Variants in ALDH16A1 observed in about 807,000 individuals in gnomAD.
ALDH16A1 encodes aldehyde dehydrogenase 16 family member A1.
ALDH16A1 carries 88 observed loss-of-function variants against 96.1 expected under a neutral mutation model. That is an observed-to-expected ratio of 0.92 (90% CI 0.77 to 1.09). The LOEUF (loss-of-function observed/expected upper bound fraction) is 1.09. Among genes scored for constraint, ALDH16A1 ranks in the 50% least tolerant of loss-of-function variants. The pLI is 0.00. For synonymous variants in ALDH16A1, 522 were observed against 496.4 expected (o/e 1.05, Z -0.69); for missense variants, 1,250 against 1,112.6 (o/e 1.12, Z -1.76).
At chr19:49,467,553 C>T (rs534390927) in intron 14 of ALDH16A1, among the ~76,000 whole-genome samples, 143 of 151,702 alleles carry the variant, frequency 9.4e-4, no homozygotes, top group Middle Eastern at 3.4e-3. Flanking sequence ...CACCACCACA[C>T]CCGGCTAATT....
At position 49,468,853 on chromosome 19, in the gene ALDH16A1, C is replaced by G. The variant is rs1458713455; in HGVS notation, c.2125-11C>G. Reference sequence around the variant, plus strand: ...CGGCCTCCCCAACCTTTCACTCTCTCTATCCCCTAGGACATGGCCACCGTG... The same window carrying G: ...CGGCCTCCCCAACCTTTCACTCTCTGTATCCCCTAGGACATGGCCACCGTG... On this transcript the variant is annotated splice_polypyrimidine_tract_variant and intron_variant, in intron 15 of 16. Coordinates refer to ENST00000293350, the MANE Select transcript of ALDH16A1 (RefSeq NM_153329.4). The surrounding 1 kb of genome is among the most constrained non-coding windows in gnomAD (Gnocchi z 4.4). The G allele has an allele frequency of 5.0e-6, 8 of 1,612,174 alleles. No individual in the cohort carries two copies. Among genetic ancestry groups the G allele is most frequent in the Non-Finnish European group, 6.8e-6 (8 of 1,179,316 alleles).
At chr19:49,456,066 C>T (rs2079103354) in intron 1 of ALDH16A1, among the ~76,000 whole-genome samples, 1 of 152,070 alleles carries the variant, frequency 6.6e-6, no homozygotes, top group Non-Finnish European at 1.5e-5. Context: ...TCATCCAGGC[C>T]CTCTTCTCAG....
intron 1 of ALDH16A1, 80 bp downstream of exon 1, chr19:49,453,501 C>A: frequency 7.6e-7 from 1 of 1,310,396 alleles, no homozygotes; most frequent in Non-Finnish European, 1.0e-6. Flanking sequence ...GTCCCGTCAT[C>A]CACTGCGGTA....
rs1601028688 is a variant in ALDH16A1 at position 49,462,022 on chromosome 19, T to G, written c.898T>G (p.Ser300Ala). 4 of 1,542,070 alleles carry G rather than the reference T, an allele frequency of 2.6e-6. No homozygotes were observed. Among genetic ancestry groups the G allele is most frequent in the Non-Finnish European group, 3.5e-6 (4 of 1,148,030 alleles). Residue 300 changes from serine (S) to alanine (A), a missense_variant, in exon 7 of 17, where the codon TCC becomes GCC. Coordinates refer to ENST00000293350, the MANE Select transcript of ALDH16A1 (RefSeq NM_153329.4). Reference protein sequence around the residue: ...AVEGVVDAAWSDRGPGGLRLL... With the variant: ...AVEGVVDAAWADRGPGGLRLL... Reference sequence around the variant, plus strand: ...GGAGGGTGTCGTGGACGCCGCCTGGTCCGACCGCGGCCCGGTGAGACCCGT... The same window carrying G: ...GGAGGGTGTCGTGGACGCCGCCTGGGCCGACCGCGGCCCGGTGAGACCCGT...
intron 2 of ALDH16A1, 110 bp from the exon 3 acceptor site, chr19:49,458,849 TG>T: frequency 6.9e-7 from 1 of 1,439,078 alleles, no homozygotes; most frequent in Non-Finnish European, 9.5e-7. Context: ...CAGCAGAGAA[TG>T]GGGACCAGCT....
chr19:49,467,129 C>A (rs887409678), intron 14 of ALDH16A1, among the ~76,000 whole-genome samples: 11 of 152,130 alleles, frequency 7.2e-5, no homozygotes, highest in African/African-American at 2.4e-4. Context: ...GTGAGCCCCC[C>A]ACCTCAGCCT....
At chr19:49,469,405 A>G (rs1253948004) in intron 16 of ALDH16A1, 1 of 154,554 alleles carries the variant, frequency 6.5e-6, no homozygotes. Flanking sequence ...GTGCACCACC[A>G]TGCCCAGCTA....
rs1727992715 is a variant in ALDH16A1 at position 49,468,317 on chromosome 19, T to C, written c.1939-64T>C. On this transcript the variant is annotated intron_variant, in intron 14 of 16. Transcript: ENST00000293350. The surrounding 1 kb of genome is among the most constrained non-coding windows in gnomAD (Gnocchi z 4.4). ...AGTGTTGGGGAGAATGTAGAGGAAC[T>C]GGATCTCTCATTTACTGCGGGCGGG... is the stretch of plus-strand genomic sequence containing the variant. The C allele has an allele frequency of 6.6e-7, 1 of 1,521,372 alleles. No homozygotes were observed. Among genetic ancestry groups the C allele is most frequent in the Non-Finnish European group, 8.9e-7 (1 of 1,125,846 alleles). The allele number at this position is 1,521,372 out of a possible 1,614,324, so 94.2% of individuals were successfully genotyped here. A position where few individuals can be genotyped will look rare whatever the true frequency, so the allele number is the denominator to read the frequency against.
In ALDH16A1 at chr19:49,468,100, C is replaced by G. The variant is rs2079214020; in HGVS notation, c.1939-281C>G. ...GCGTGAACCCGGGAGGCGGAGGTTG[C>G]AGTGAGCCAAGATCGCACCACTGCA... On this transcript the variant is annotated intron_variant, in intron 14 of 16. Coordinates refer to ENST00000293350, the MANE Select transcript of ALDH16A1 (RefSeq NM_153329.4). This position sits in a 1 kb window ranked among gnomAD's most constrained non-coding sequence, Gnocchi z 4.4. Among the ~76,000 whole-genome samples, 2 of 147,558 alleles carry G rather than the reference C, an allele frequency of 1.4e-5. No individual in the cohort carries two copies. The highest frequency in any genetic ancestry group is 3.0e-5 in the Non-Finnish European group (2 of 67,548).
At chr19:49,454,530 G>A (rs2079093588) in intron 1 of ALDH16A1, among the ~76,000 whole-genome samples, 1 of 152,122 alleles carries the variant, frequency 6.6e-6, no homozygotes, top group South Asian at 2.1e-4. Context: ...GAACCCTCGT[G>A]GGGTTCCTGC....
chr19:49,466,048 A>T, intron 13 of ALDH16A1, 34 bp from the exon 14 acceptor site: 1 of 1,539,656 alleles, frequency 6.5e-7, no homozygotes, highest in South Asian at 1.2e-5. Context: ...CAAGACCAGG[A>T]TGCCAACCCC....
In ALDH16A1 at chr19:49,461,894, C is replaced by A. The variant is rs1271033907; in HGVS notation, c.770C>A (p.Ala257Asp). The part of the protein sequence containing the change: ...AFCGAPEEGR[A>D]LRRSLAGECA... ...GGGGGGGGTCCCTAGGAAGGGCGTG[C>A]CCTTCGACGGAGCCTGGCGGGAGAG... Residue 257 changes from alanine (A) to aspartate (D), a missense_variant, in exon 7 of 17, where the codon GCC (alanine) becomes GAC (aspartate). Physicochemically the swap from Ala to Asp is moderately radical, Grantham distance 126 (BLOSUM62 -2). Coordinates refer to ENST00000293350, the MANE Select transcript of ALDH16A1 (RefSeq NM_153329.4). The A allele has an allele frequency of 3.2e-6, 5 of 1,584,970 alleles. No individual in the cohort carries two copies. The East Asian group carries it at 6.9e-5, about 22-fold the overall frequency.
chr19:49,466,005 G>A, intron 13 of ALDH16A1, 77 bp from the exon 14 acceptor site: 2 of 1,540,204 alleles, frequency 1.3e-6, no homozygotes, highest in African/African-American at 2.7e-5. Context: ...CCCAGGGTAG[G>A]GGCTGTGGAC....
chr19:49,454,018 G>A (rs1031993949), intron 1 of ALDH16A1, among the ~76,000 whole-genome samples: 4 of 85,124 alleles, frequency 4.7e-5, no homozygotes, highest in Admixed American at 4.7e-4. Context: ...GGTTTGGGTT[G>A]GGTTTTTTTT....
At chr19:49,462,155 G>A (rs1401454503) in intron 7 of ALDH16A1, 119 bp downstream of exon 7, 12 of 1,350,842 alleles carry the variant, frequency 8.9e-6, no homozygotes, top group East Asian at 8.6e-5. Context: ...ATTTTGAGAC[G>A]GAGTTTCACT....
intron 14 of ALDH16A1, 133 bp downstream of exon 14, chr19:49,466,416 C>A: frequency 3.2e-6 from 3 of 949,542 alleles, no homozygotes; most frequent in Non-Finnish European, 4.5e-6. Flanking sequence ...CAGCAAGTGG[C>A]TTCACCTCTC....
intron 5 of ALDH16A1, among the ~76,000 whole-genome samples, chr19:49,461,254 G>A (rs12460532): frequency 5.5e-4 from 39 of 70,980 alleles, no homozygotes; most frequent in East Asian, 9.9e-4. Flanking sequence ...GAGGGGCTGG[G>A]GTCTGGACTC....
Position 49,470,731 on chromosome 19 carries a change from C to T in ALDH16A1, c.*264C>T, listed in dbSNP as rs1205395423. The stretch of plus-strand genomic sequence containing the variant: ...TGGCACAATCTCGGCCCACTGCAGC[C>T]TCGACCTCTGGGGCTCAAGGGATCC... On this transcript the variant is annotated 3_prime_UTR_variant, in exon 17 of 17. Transcript: ENST00000293350. The T allele has an allele frequency of 1.2e-5, 4 of 335,280 alleles. No individual in the cohort carries two copies. The highest frequency in any genetic ancestry group is 2.2e-5 in the African/African-American group (1 of 45,996). 20.8% of individuals were successfully genotyped at this position (335,280 alleles called of 1,614,324 possible).
intron 8 of ALDH16A1, 147 bp from the exon 9 acceptor site, chr19:49,463,707 G>T: frequency 1.6e-6 from 1 of 612,466 alleles, no homozygotes; most frequent in Non-Finnish European, 2.9e-6. Flanking sequence ...GGGAGGAGAG[G>T]CTGGGGGTCC....
Sources: gnomAD v4.1 joint callset for allele counts (sites outside exome capture counted in the v4.1 genomes callset) on GRCh38, gnomAD v4.1.1 for gene constraint, Gnocchi (gnomAD v3.1) non-coding constraint, MANE v1.5 for transcripts, NCBI Gene and HGNC (gene_info 2026-07-23, HGNC 2026-07-21) for gene names.